Variants in SYCP2L observed in about 807,000 individuals in gnomAD.
SYCP2L encodes synaptonemal complex protein 2-like.
Under a neutral mutation model 125.8 loss-of-function variants are expected in SYCP2L, and 98 were observed. The observed-to-expected ratio is 0.78, with a 90% confidence interval of 0.66 to 0.92. The LOEUF (loss-of-function observed/expected upper bound fraction) is 0.92. SYCP2L is among the 40% of genes least tolerant of loss of function. SYCP2L has a pLI of 0.00. For missense variants in SYCP2L, 842 were observed against 936.4 expected, an observed-to-expected ratio of 0.90 and a Z score of 1.32; for synonymous variants, 317 against 325.4, an observed-to-expected ratio of 0.97 and a Z score of 0.28.
At chr6:10,955,245 C>G in intron 24 of SYCP2L, 28 bp downstream of exon 24, 1 of 1,439,628 alleles carries the variant, frequency 6.9e-7, no homozygotes, top group Non-Finnish European at 9.8e-7. Flanking sequence ...GCCAATGGTT[C>G]AAGTAGGAGT....
chr6:10,946,725 G>A (rs1581839455), intron 23 of SYCP2L, among the ~76,000 whole-genome samples: 1 of 151,910 alleles, frequency 6.6e-6, no homozygotes, highest in African/African-American at 2.4e-5. Flanking sequence ...AAGGTAATTT[G>A]TCCTTTTTTT....
intron 1 of SYCP2L, among the ~76,000 whole-genome samples, chr6:10,889,876 A>G (rs1406416097): frequency 6.6e-6 from 1 of 151,684 alleles, no homozygotes; most frequent in Non-Finnish European, 1.5e-5. Flanking sequence ...CACCTCGGCC[A>G]CCCAAAGTGC....
intron 29 of SYCP2L, among the ~76,000 whole-genome samples, chr6:10,964,221 T>C (rs1781641917): frequency 6.6e-6 from 1 of 152,218 alleles, no homozygotes; most frequent in South Asian, 2.1e-4. Flanking sequence ...CCTCCCAAAG[T>C]GCTGGGATTA....
At chr6:10,900,387 A>G (rs1482357299) in intron 6 of SYCP2L, among the ~76,000 whole-genome samples, 1 of 149,498 alleles carries the variant, frequency 6.7e-6, no homozygotes, top group African/African-American at 2.5e-5. Flanking sequence ...AGAGTCTCAC[A>G]CTGTTGGCTC....
chr6:10,911,685 C>A (rs776109366), intron 12 of SYCP2L, among the ~76,000 whole-genome samples: 5 of 152,076 alleles, frequency 3.3e-5, no homozygotes, highest in Admixed American at 6.6e-5. Flanking sequence ...ATCCAAATTT[C>A]CATTCACTTC....
chr6:10,898,929 T>C (rs550176425), intron 6 of SYCP2L, 81 bp downstream of exon 6: 8 of 910,696 alleles, frequency 8.8e-6, no homozygotes, highest in Admixed American at 8.4e-5. Context: ...AAAAATGATA[T>C]GTAAAAGTAA....
At chr6:10,942,404 CTTA>C in intron 21 of SYCP2L, 52 bp from the exon 22 acceptor site, 1 of 1,140,686 alleles carries the variant, frequency 8.8e-7, no homozygotes, top group Non-Finnish European at 1.2e-6. Flanking sequence ...ATAGTGAATT[CTTA>C]TTGCTTTGTT....
At position 10,945,823 on chromosome 6, in the gene SYCP2L, T is replaced by C. The variant is rs144467933; in HGVS notation, c.1954+3077T>C. 2.1e-3 allele frequency among the ~76,000 whole-genome samples: 323 copies of C among 151,446 alleles called. 13 individuals are homozygous for C. In the East Asian group the frequency reaches 0.054, roughly 25 times the overall value. On this transcript the variant is annotated intron_variant, in intron 23 of 29. Transcript: ENST00000283141. ...TAAGTCTTTAGATAAAAGTAAAATA[T>C]TTACCTTATTGTATATTTGCCTTAT...
chr6:10,940,479 A>G (rs1781197357), intron 21 of SYCP2L, among the ~76,000 whole-genome samples: 1 of 152,230 alleles, frequency 6.6e-6, no homozygotes, highest in Non-Finnish European at 1.5e-5. Context: ...TATATTAATA[A>G]TGGAATACTA....
chr6:10,954,255 C>A lies in SYCP2L; in HGVS notation c.1955-861C>A, dbSNP rs1238274. Among the ~76,000 whole-genome samples, 140,330 of 152,182 alleles carry A rather than the reference C, an allele frequency of 0.92. 65,178 individuals carry two copies. The highest frequency in any genetic ancestry group is 0.99 in the Non-Finnish European group (67,245 of 68,024). ...AGTGGTTTTAAGTGGGAGGGATAGA[C>A]TCGAGTGGGGTTTGAAGTAAAGATG... On this transcript the variant is annotated intron_variant, in intron 23 of 29. Coordinates refer to ENST00000283141, the MANE Select transcript of SYCP2L (RefSeq NM_001040274.3). This position sits in a 1 kb window ranked among gnomAD's most constrained non-coding sequence, Gnocchi z 4.8.
intron 12 of SYCP2L, among the ~76,000 whole-genome samples, 157 bp downstream of exon 12, chr6:10,911,026 A>G (rs543859977): frequency 6.6e-6 from 1 of 152,276 alleles, no homozygotes; most frequent in East Asian, 1.9e-4. Flanking sequence ...CAAACCGATC[A>G]TACCATACCC....
chr6:10,922,017 A>G (rs1312006360), intron 14 of SYCP2L, among the ~76,000 whole-genome samples: 1 of 152,016 alleles, frequency 6.6e-6, no homozygotes, highest in Non-Finnish European at 1.5e-5. Context: ...CCACTTTTTA[A>G]TGTTTTTTGT....
At chr6:10,959,550 ATTATG>A (rs370049728) in intron 26 of SYCP2L, among the ~76,000 whole-genome samples, 22 of 152,294 alleles carry the variant, frequency 1.4e-4, no homozygotes, top group African/African-American at 4.8e-4. Context: ...GGGTATAAAT[ATTATG>A]TTATGTGTAT....
intron 23 of SYCP2L, among the ~76,000 whole-genome samples, chr6:10,952,664 G>A (rs188670965): frequency 1.6e-3 from 241 of 152,046 alleles, no homozygotes; most frequent in African/African-American, 5.5e-3. Flanking sequence ...GTGCCTAATT[G>A]AGGCTAGGTG....
Position 10,955,166 on chromosome 6 carries a change from G to A in SYCP2L, c.2005G>A (p.Glu669Lys), listed in dbSNP as rs1018520002. 1 of 1,613,620 alleles carries A rather than the reference G, an allele frequency of 6.2e-7. No homozygotes were observed. Among genetic ancestry groups the A allele is most frequent in the African/African-American group, 1.3e-5 (1 of 74,940 alleles). The change falls in exon 24 of 30, where the codon GAG (glutamate) becomes AAG (lysine). Residue 669 changes from glutamate to lysine, a missense_variant. Transcript: ENST00000283141. ...GTCACAACAATCAAGATTGGAAGAA[G>A]AGGTTGCTCCGGGATCCCCTTTCTC... ...AKSQQSRLEE[E>K]VAPGSPFSIT...
At chr6:10,951,487 A>G (rs1466774077) in intron 23 of SYCP2L, among the ~76,000 whole-genome samples, 1 of 152,224 alleles carries the variant, frequency 6.6e-6, no homozygotes, top group Non-Finnish European at 1.5e-5. Flanking sequence ...TCGCTATTTA[A>G]GCATTTATAT....
At chr6:10,956,799 CAT>C (rs1781509115) in intron 25 of SYCP2L, among the ~76,000 whole-genome samples, 1 of 151,766 alleles carries the variant, frequency 6.6e-6, no homozygotes. Flanking sequence ...GTATATCAAT[CAT>C]GTGTATACCT....
At chr6:10,931,576 T>C in intron 20 of SYCP2L, 87 bp downstream of exon 20, 1 of 1,320,780 alleles carries the variant, frequency 7.6e-7, no homozygotes, top group South Asian at 1.2e-5. Flanking sequence ...AATATAAAAA[T>C]AACAAAATAT....
At chr6:10,914,825 C>T (rs1780664220) in intron 14 of SYCP2L, among the ~76,000 whole-genome samples, 1 of 146,172 alleles carries the variant, frequency 6.8e-6, no homozygotes, top group Non-Finnish European at 1.5e-5. Flanking sequence ...CAACTCACTG[C>T]AACCTCTGCC....
Sources: allele counts gnomAD v4.1 joint callset (sites outside exome capture counted in the v4.1 genomes callset), GRCh38; gene constraint gnomAD v4.1.1; non-coding constraint Gnocchi (gnomAD v3.1); transcripts MANE v1.5; gene names NCBI Gene and HGNC (gene_info 2026-07-23, HGNC 2026-07-21).